Variants in TBX15 observed in about 807,000 individuals in gnomAD.
TBX15 encodes the protein T-box transcription factor TBX15.
In TBX15, 18 loss-of-function variants were observed where a neutral mutation model predicts 53.9. The ratio of observed to expected loss-of-function variants is 0.33; its 90% CI spans 0.23 to 0.49. The LOEUF is 0.49. Ranked by LOEUF, TBX15 falls within the 20% of genes least tolerant of loss-of-function variation. The probability of loss-of-function intolerance (pLI) is 0.98; values close to 1 mark genes in which losing one functional copy is unlikely to be tolerated. For missense variants in TBX15, 692 were observed against 749.5 expected, an observed-to-expected ratio of 0.92 and a Z score of 0.90; for synonymous variants, 295 against 278.0, an observed-to-expected ratio of 1.06 and a Z score of -0.61.
intron 1 of TBX15, among the ~76,000 whole-genome samples, chr1:118,980,769 C>T (rs1657620187): frequency 6.6e-6 from 1 of 152,094 alleles, no homozygotes; most frequent in Non-Finnish European, 1.5e-5. Context: ...AAAGTTTCCA[C>T]TCCTCCTGTT....
At chr1:118,967,087 G>A (rs1657057321) in intron 1 of TBX15, among the ~76,000 whole-genome samples, 1 of 152,072 alleles carries the variant, frequency 6.6e-6, no homozygotes, top group Non-Finnish European at 1.5e-5. Context: ...ACAGACTCCT[G>A]ACCTATAGGA....
intron 7 of TBX15, among the ~76,000 whole-genome samples, chr1:118,889,748 A>T (rs1654072910): frequency 2.6e-5 from 4 of 152,214 alleles, no homozygotes; most frequent in Admixed American, 2.0e-4. Context: ...GGTAAGATAT[A>T]ATAGTATACA....
intron 1 of TBX15, among the ~76,000 whole-genome samples, chr1:118,960,128 G>A (rs949178325): frequency 6.6e-6 from 1 of 152,124 alleles, no homozygotes; most frequent in Non-Finnish European, 1.5e-5. Context: ...TGTCTGGCAG[G>A]AGCCTGTGGT....
chr1:118,925,785 T>G (rs1201839327), intron 3 of TBX15, among the ~76,000 whole-genome samples: 3 of 152,214 alleles, frequency 2.0e-5, no homozygotes, highest in Non-Finnish European at 2.9e-5. Context: ...TCCTGGCCTT[T>G]TTCATCAGCT....
intron 3 of TBX15, 43 bp downstream of exon 3, chr1:118,926,467 T>A (rs555156188): frequency 1.0e-5 from 16 of 1,533,620 alleles, no homozygotes; most frequent in Non-Finnish European, 1.4e-5. Flanking sequence ...TGTCTTGGAA[T>A]GCTGGTGATA....
At chr1:118,891,868 A>G (rs1216653842) in intron 7 of TBX15, among the ~76,000 whole-genome samples, 7 of 152,200 alleles carry the variant, frequency 4.6e-5, no homozygotes, top group Non-Finnish European at 8.8e-5. Context: ...TCATGACCCA[A>G]TGAGTTTCTT....
intron 1 of TBX15, among the ~76,000 whole-genome samples, chr1:118,943,115 G>T (rs1414882357): frequency 6.6e-6 from 1 of 152,182 alleles, no homozygotes; most frequent in Non-Finnish European, 1.5e-5. Context: ...ATGTGTCTCA[G>T]TGAAGCCCCT....
At chr1:118,976,095 G>T (rs144172311) in intron 1 of TBX15, among the ~76,000 whole-genome samples, 1 of 152,104 alleles carries the variant, frequency 6.6e-6, no homozygotes, top group Non-Finnish European at 1.5e-5. Flanking sequence ...AGTAGTAAAT[G>T]ATCAAATCCA....
At chr1:118,896,736 T>C (rs1217345555) in intron 7 of TBX15, among the ~76,000 whole-genome samples, 1 of 152,204 alleles carries the variant, frequency 6.6e-6, no homozygotes, top group Admixed American at 6.5e-5. Flanking sequence ...CAGTTCAGCA[T>C]GCATGGCTGT....
chr1:118,976,325 GC>G (rs1298332585), intron 1 of TBX15, among the ~76,000 whole-genome samples: 3 of 152,032 alleles, frequency 2.0e-5, no homozygotes, highest in Non-Finnish European at 4.4e-5. Flanking sequence ...TTTTAATTCA[GC>G]CATGCAACAC....
At chr1:118,979,852 G>T (rs565271223) in intron 1 of TBX15, among the ~76,000 whole-genome samples, 32 of 152,288 alleles carry the variant, frequency 2.1e-4, no homozygotes, top group African/African-American at 7.5e-4. Flanking sequence ...GAGGCGAGGC[G>T]GTGGGGCCAG....
chr1:118,900,891 C>T (rs1020345212), intron 6 of TBX15, among the ~76,000 whole-genome samples: 2 of 152,092 alleles, frequency 1.3e-5, no homozygotes, highest in Non-Finnish European at 2.9e-5. Context: ...CCTTTAATGG[C>T]ACAGGAGGCT....
At chr1:118,903,498 G>A (rs1037131576) in intron 6 of TBX15, among the ~76,000 whole-genome samples, 2 of 152,120 alleles carry the variant, frequency 1.3e-5, no homozygotes, top group South Asian at 2.1e-4. Flanking sequence ...TCTTGAGATA[G>A]GGAGTTGCTT....
chr1:118,890,125 C>A (rs1654088719), intron 7 of TBX15, among the ~76,000 whole-genome samples: 2 of 152,292 alleles, frequency 1.3e-5, no homozygotes, highest in South Asian at 4.2e-4. Flanking sequence ...CTAGAGGAAC[C>A]TCCATCACTG....
chr1:118,901,378 C>CAGAGCCTAATCACCTCTT (rs1553219358), intron 6 of TBX15: 3 of 456,530 alleles, frequency 6.6e-6, no homozygotes, highest in African/African-American at 4.0e-5. Context: ...GCACAGCTCT[C>CAGAGCCTAATCACCTCTT]AGAGCCTAAT....
In TBX15 at chr1:118,885,209, T is replaced by A; in HGVS notation, c.1332A>T (p.Pro444=). 6.2e-7 allele frequency: 1 copy of A among 1,614,138 alleles called. No individual in the cohort carries two copies. The highest frequency in any genetic ancestry group is 8.5e-7 in the Non-Finnish European group (1 of 1,180,030). ...PSETFMPQRT[P]SLISGIPTPP... ...GAGTTGGTATTCCTGAGATCAGGGA[T>A]GGAGTCCTCTGAGGCATGAAGGTTT... is the stretch of plus-strand genomic sequence containing the variant. Residue 444 remains proline, a synonymous_variant, in exon 8 of 8, where the codon CCA becomes CCT. Transcript: ENST00000369429.
At chr1:118,897,225 A>G (rs1654460570) in intron 7 of TBX15, among the ~76,000 whole-genome samples, 1 of 152,134 alleles carries the variant, frequency 6.6e-6, no homozygotes, top group African/African-American at 2.4e-5. Context: ...ATCAATGTCT[A>G]CATACATATT....
Position 118,944,887 on chromosome 1 carries a change from G to A in TBX15, c.206-13055C>T, listed in dbSNP as rs775200096. 6.6e-5 allele frequency among the ~76,000 whole-genome samples: 10 copies of A among 152,170 alleles called. No individual in the cohort carries two copies. The South Asian group carries it at 8.3e-4, about 13-fold the overall frequency. ...AGATTTCCTGAGCACCTGGGCTTGC[G>A]ATTCGAGCACTCCTCTTCCCAGGGA... is the stretch of plus-strand genomic sequence containing the variant. On this transcript the variant is annotated intron_variant, in intron 1 of 7. Transcript: ENST00000369429.
At chr1:118,917,554 G>A (rs1655281754) in intron 5 of TBX15, among the ~76,000 whole-genome samples, 1 of 152,194 alleles carries the variant, frequency 6.6e-6, no homozygotes, top group Admixed American at 6.5e-5. Flanking sequence ...TCCTGCATAT[G>A]TGTCGTGGAA....
Sources: allele counts gnomAD v4.1 joint callset (sites outside exome capture counted in the v4.1 genomes callset), GRCh38; gene constraint gnomAD v4.1.1; transcripts MANE v1.5; gene names NCBI Gene and HGNC (gene_info 2026-07-23, HGNC 2026-07-21).